Variants in GLRA3 observed in about 807,000 individuals in gnomAD.
GLRA3 encodes the protein glycine receptor alpha 3.
GLRA3 carries 44 observed loss-of-function variants against 60.4 expected under a neutral mutation model. The observed-to-expected ratio is 0.73, with a 90% CI of 0.57 to 0.94. The LOEUF (loss-of-function observed/expected upper bound fraction) is 0.94. Ranked by LOEUF, GLRA3 falls within the 40% of genes least tolerant of loss-of-function variation. The pLI is 0.00. For missense variants in GLRA3, 508 were observed against 564.6 expected, an observed-to-expected ratio of 0.90 and a Z score of 1.02; for synonymous variants, 223 against 192.9, an observed-to-expected ratio of 1.16 and a Z score of -1.29.
intron 2 of GLRA3, among the ~76,000 whole-genome samples, chr4:174,779,186 AC>A (rs1395247220): frequency 1.3e-5 from 2 of 151,984 alleles, no homozygotes; most frequent in Non-Finnish European, 2.9e-5. Flanking sequence ...ACTGGGAGGC[AC>A]CCCCCAGCAG....
chr4:174,682,902 T>C lies in GLRA3; in HGVS notation c.612A>G (p.Gln204=), dbSNP rs754994664. The C allele has an allele frequency of 3.7e-6, 6 of 1,613,028 alleles. No homozygotes were observed. The highest frequency in any genetic ancestry group is 8.5e-7 in the Non-Finnish European group (1 of 1,179,104). ...YTMNDLIFEW[Q]DEAPVQVAEG... is the part of the protein sequence containing the mutation. ...CTGCCACTTGTACGGGTGCCTCATC[T>C]TGCCATTCAAAAATGAGATCATTCA... The change falls in exon 6 of 10, where the codon CAA becomes CAG. Residue 204 remains glutamine, a synonymous_variant. Transcript: ENST00000274093.
intron 4 of GLRA3, among the ~76,000 whole-genome samples, chr4:174,721,418 T>A (rs1004446284): frequency 6.6e-6 from 1 of 151,840 alleles, no homozygotes. Context: ...TAGTTTGTTA[T>A]AGCACTTGTA....
chr4:174,703,890 T>C (rs1158730651), intron 5 of GLRA3, among the ~76,000 whole-genome samples: 1 of 152,160 alleles, frequency 6.6e-6, no homozygotes, highest in African/African-American at 2.4e-5. Flanking sequence ...GGGTCCTGTT[T>C]GGGGATATGC....
At chr4:174,817,799 G>A (rs1484838157) in intron 1 of GLRA3, among the ~76,000 whole-genome samples, 2 of 152,012 alleles carry the variant, frequency 1.3e-5, no homozygotes, top group Non-Finnish European at 2.9e-5. Flanking sequence ...TAGAGATGGG[G>A]TTTCGTCATG....
In GLRA3 at chr4:174,737,667, A is replaced by G. The variant is rs144327360; in HGVS notation, c.268-8969T>C. On this transcript the variant is annotated intron_variant, in intron 3 of 9. Transcript: ENST00000274093. ...GCCAGGATTATAGGTGCCCACCACCATGTCTGGAGAAATTTTGTATTTTTA... is the reference window on the plus strand; with the variant it reads ...GCCAGGATTATAGGTGCCCACCACCGTGTCTGGAGAAATTTTGTATTTTTA... Among the ~76,000 whole-genome samples, 182 of 152,134 alleles carry G rather than the reference A, an allele frequency of 1.2e-3. 1 individual carries two copies. Among genetic ancestry groups the G allele is most frequent in the African/African-American group, 4.3e-3 (179 of 41,514 alleles).
intron 5 of GLRA3, among the ~76,000 whole-genome samples, chr4:174,696,363 C>T (rs1735053148): frequency 1.3e-5 from 2 of 150,920 alleles, no homozygotes; most frequent in African/African-American, 4.9e-5. Flanking sequence ...TAAAGAAAAA[C>T]AAATTTTATT....
intron 7 of GLRA3, among the ~76,000 whole-genome samples, chr4:174,675,626 C>T (rs1330359792): frequency 3.3e-5 from 5 of 152,156 alleles, no homozygotes; most frequent in African/African-American, 1.2e-4. Context: ...AACGTTTATC[C>T]TTACGTAAAT....
In GLRA3 at chr4:174,783,742, G is replaced by T. The variant is rs527446071; in HGVS notation, c.199+5074C>A. Among the ~76,000 whole-genome samples the T allele has an allele frequency of 1.1e-3, 173 of 150,622 alleles. 1 individual carries two copies. The highest frequency in any genetic ancestry group is 4.2e-3 in the African/African-American group (171 of 41,100). On this transcript the variant is annotated intron_variant, in intron 2 of 9. Transcript: ENST00000274093. ...AAATGCTCATCATCACTGGCCATCAGAGAAATGCAAATCAAAACCACAATG... is the reference window on the plus strand; with the variant it reads ...AAATGCTCATCATCACTGGCCATCATAGAAATGCAAATCAAAACCACAATG...
chr4:174,685,232 G>A (rs1734510413), intron 5 of GLRA3, among the ~76,000 whole-genome samples: 1 of 152,008 alleles, frequency 6.6e-6, no homozygotes, highest in Admixed American at 6.6e-5. Flanking sequence ...CCCAATACCT[G>A]GGAAAAACTC....
chr4:174,678,843 C>G (rs2110960903), intron 6 of GLRA3, among the ~76,000 whole-genome samples: 1 of 152,018 alleles, frequency 6.6e-6, no homozygotes, highest in East Asian at 1.9e-4. Flanking sequence ...TGGAATAAAA[C>G]AAGAATAACT....
intron 3 of GLRA3, among the ~76,000 whole-genome samples, chr4:174,733,794 CT>C (rs1736657957): frequency 6.6e-6 from 1 of 152,146 alleles, no homozygotes; most frequent in Admixed American, 6.6e-5. Flanking sequence ...GATGCTGTGC[CT>C]CTTGTCTCTA....
In GLRA3 at chr4:174,682,859, G is replaced by C. The variant is rs759179537; in HGVS notation, c.655C>G (p.Gln219Glu). The C allele has an allele frequency of 5.0e-6, 8 of 1,612,062 alleles. No individual in the cohort carries two copies. In the Admixed American group the frequency reaches 1.3e-4, roughly 27 times the overall value. ...VQVAEGLTLP[Q>E]FLLKEEKDLR... Reference sequence around the variant, plus strand: ...TCTTTTTCTTCTTTCAACAGAAACTGGGGCAAAGTGAGTCCTTCTGCCACT... The same window carrying C: ...TCTTTTTCTTCTTTCAACAGAAACTCGGGCAAAGTGAGTCCTTCTGCCACT... The change falls in exon 6 of 10, where the codon CAG becomes GAG. Residue 219 changes from glutamine (Q) to glutamate (E), a missense_variant. By Grantham distance (29) the Gln-to-Glu change is conservative (BLOSUM62 2). Transcript: ENST00000274093.
chr4:174,650,897 A>C (rs563333935), intron 9 of GLRA3, among the ~76,000 whole-genome samples: 11 of 152,212 alleles, frequency 7.2e-5, no homozygotes, highest in African/African-American at 2.7e-4. Context: ...AGTATCAACA[A>C]GAGAAAACTT....
At chr4:174,743,247 T>C (rs955492567) in intron 3 of GLRA3, among the ~76,000 whole-genome samples, 34 of 152,158 alleles carry the variant, frequency 2.2e-4, no homozygotes, top group African/African-American at 8.0e-4. Flanking sequence ...CACGAGATTA[T>C]GAAAAAAGAA....
intron 7 of GLRA3, among the ~76,000 whole-genome samples, chr4:174,664,121 C>T (rs1047704793): frequency 6.6e-6 from 1 of 152,190 alleles, no homozygotes; most frequent in African/African-American, 2.4e-5. Flanking sequence ...GTTTCCCTCC[C>T]TCCACTCCAC....
intron 5 of GLRA3, among the ~76,000 whole-genome samples, chr4:174,710,734 C>G (rs1182412286): frequency 6.6e-6 from 1 of 151,936 alleles, no homozygotes; most frequent in Non-Finnish European, 1.5e-5. Context: ...AGCTGGCATA[C>G]TACGATTATT....
At chr4:174,760,086 A>G (rs1030233718) in intron 3 of GLRA3, among the ~76,000 whole-genome samples, 2 of 152,276 alleles carry the variant, frequency 1.3e-5, no homozygotes, top group South Asian at 2.1e-4. Flanking sequence ...CTGACAAAGT[A>G]TTCATCTTCA....
chr4:174,649,901 A>T (rs1320698889), intron 9 of GLRA3, among the ~76,000 whole-genome samples: 2 of 152,176 alleles, frequency 1.3e-5, no homozygotes, highest in African/African-American at 4.8e-5. Flanking sequence ...CTTACTGTCC[A>T]TCCCTAAAGG....
chr4:174,762,917 G>C lies in GLRA3; in HGVS notation c.267+4046C>G, dbSNP rs78984453. On this transcript the variant is annotated intron_variant, in intron 3 of 9. Transcript: ENST00000274093. ...CAACCACCTCCCACCCCTGACCAAAGATAGTCTATCAGAATTCAGAAGTCT... is the reference window on the plus strand; with the variant it reads ...CAACCACCTCCCACCCCTGACCAAACATAGTCTATCAGAATTCAGAAGTCT... Among the ~76,000 whole-genome samples the C allele has an allele frequency of 1.6e-3, 250 of 152,198 alleles. 3 individuals carry two copies. In the East Asian group the frequency reaches 0.038, roughly 23 times the overall value.
Sources: gnomAD v4.1 joint callset for allele counts (sites outside exome capture counted in the v4.1 genomes callset) on GRCh38, gnomAD v4.1.1 for gene constraint, MANE v1.5 for transcripts, NCBI Gene and HGNC (gene_info 2026-07-23, HGNC 2026-07-21) for gene names.